The following TRIM24 variants were observed in gnomAD, a reference collection of about 807,000 sequenced individuals.
TRIM24 encodes the protein tripartite motif containing 24.
A neutral mutation model predicts 123.9 loss-of-function variants in TRIM24; 29 were observed. The ratio of observed to expected loss-of-function variants is 0.23; its 90% confidence interval spans 0.17 to 0.32. The LOEUF is 0.32. Among genes scored for constraint, TRIM24 ranks in the 10% least tolerant of loss-of-function variants. TRIM24 has a pLI of 1.00. For missense variants in TRIM24, 932 were observed against 1,295.3 expected (o/e 0.72, Z 4.31); for synonymous variants, 456 against 461.1 (o/e 0.99, Z 0.14).
intron 15 of TRIM24, 78 bp downstream of exon 15, chr7:138,579,610 A>G: frequency 7.8e-7 from 1 of 1,287,152 alleles, no homozygotes; most frequent in Non-Finnish European, 1.1e-6. Flanking sequence ...CTTTGAAAAA[A>G]CTTAAATGAA....
chr7:138,529,927 G>T (rs1796694251), intron 6 of TRIM24, among the ~76,000 whole-genome samples: 1 of 152,014 alleles, frequency 6.6e-6, no homozygotes, highest in African/African-American at 2.4e-5. Flanking sequence ...ATACAGTAAA[G>T]AAGCAAATGA....
intron 1 of TRIM24, among the ~76,000 whole-genome samples, chr7:138,477,112 G>T (rs1795421525): frequency 6.6e-6 from 1 of 152,066 alleles, no homozygotes; most frequent in African/African-American, 2.4e-5. Context: ...TAAAGCAACA[G>T]TATCTCCATG....
At chr7:138,517,198 G>T (rs1006944509) in intron 3 of TRIM24, among the ~76,000 whole-genome samples, 7 of 150,774 alleles carry the variant, frequency 4.6e-5, no homozygotes, top group Non-Finnish European at 4.4e-5. Flanking sequence ...TATATTGGCT[G>T]ATTTTTCTCT....
At chr7:138,536,444 C>T (rs1344477685) in intron 6 of TRIM24, among the ~76,000 whole-genome samples, 1 of 152,236 alleles carries the variant, frequency 6.6e-6, no homozygotes, top group Non-Finnish European at 1.5e-5. Flanking sequence ...AGTCAGGACC[C>T]TCAGCTGCAG....
chr7:138,514,256 G>A (rs1307341999), intron 2 of TRIM24: 1 of 152,220 alleles, frequency 6.6e-6, no homozygotes, highest in Non-Finnish European at 1.5e-5. Flanking sequence ...CAAAGCCACT[G>A]AAAAATCCTA....
intron 1 of TRIM24, among the ~76,000 whole-genome samples, chr7:138,501,899 C>A (rs373775549): frequency 0.013 from 1,968 of 149,830 alleles, 43 homozygotes; most frequent in African/African-American, 0.045. Context: ...AAAAAAAAAA[C>A]CAGTAGCAAC....
intron 11 of TRIM24, 84 bp from the exon 12 acceptor site, chr7:138,573,415 ATTATTAAG>A: frequency 1.8e-6 from 1 of 551,150 alleles, no homozygotes. Flanking sequence ...TTCGATAATA[ATTATTAAG>A]TTATTGAAGC....
At chr7:138,537,445 T>C (rs1160056677) in intron 6 of TRIM24, among the ~76,000 whole-genome samples, 6 of 139,248 alleles carry the variant, frequency 4.3e-5, no homozygotes, top group Non-Finnish European at 9.3e-5. Flanking sequence ...CCAGGCTGGT[T>C]GGAGTCCTTT....
In TRIM24 at chr7:138,587,737, G is replaced by A. The variant is rs985473914; in HGVS notation, c.*2786G>A. On this transcript the variant is annotated 3_prime_UTR_variant, in exon 19 of 19. Coordinates refer to ENST00000343526, the MANE Select transcript of TRIM24 (RefSeq NM_015905.3). ...GGATGAGCAGACCACGTAGGAGCTA[G>A]GATTTACTCAGTTCCACCTCACTGA... The A allele has an allele frequency of 3.3e-5, 5 of 152,204 alleles. No homozygotes were observed. The highest frequency in any genetic ancestry group is 6.5e-5 in the Admixed American group (1 of 15,280). The allele number at this position is 152,204 out of a possible 1,614,324, so 9.4% of individuals were successfully genotyped here.
intron 7 of TRIM24, 94 bp from the exon 8 acceptor site, chr7:138,550,969 A>G (rs1797198291): frequency 4.3e-6 from 4 of 936,328 alleles, no homozygotes; most frequent in Non-Finnish European, 5.1e-6. Flanking sequence ...TTTATTGTGT[A>G]TTGATGTACA....
chr7:138,474,181 A>G lies in TRIM24; in HGVS notation c.364+13269A>G, dbSNP rs186423572. On this transcript the variant is annotated intron_variant, in intron 1 of 18. Coordinates refer to ENST00000343526, the MANE Select transcript of TRIM24 (RefSeq NM_015905.3). Reference sequence around the variant, plus strand: ...TGCTGTATCACCCAGGCTGGAGTGCAGTGGCGCTATCTCAGCTCACTGCAA... The same window carrying G: ...TGCTGTATCACCCAGGCTGGAGTGCGGTGGCGCTATCTCAGCTCACTGCAA... Among the ~76,000 whole-genome samples, 975 of 145,648 alleles carry G rather than the reference A, an allele frequency of 6.7e-3. 8 individuals are homozygous for G. Among genetic ancestry groups the G allele is most frequent in the Non-Finnish European group, 0.011 (734 of 67,158 alleles).
intron 1 of TRIM24, among the ~76,000 whole-genome samples, chr7:138,485,911 C>T (rs184369945): frequency 3.9e-4 from 59 of 152,296 alleles, no homozygotes; most frequent in South Asian, 8.3e-4. Flanking sequence ...TGAGGAATCG[C>T]CACACTGTCT....
At chr7:138,579,053 T>A (rs899304956) in intron 14 of TRIM24, 151 bp from the exon 15 acceptor site, 5 of 578,074 alleles carry the variant, frequency 8.6e-6, no homozygotes, top group Non-Finnish European at 1.5e-5. Flanking sequence ...GTTCATGTCT[T>A]CTAAGCCAGT....
At chr7:138,538,840 T>C in intron 7 of TRIM24, 37 bp downstream of exon 7, 1 of 1,582,582 alleles carries the variant, frequency 6.3e-7, no homozygotes, top group Non-Finnish European at 8.6e-7. Flanking sequence ...ACTGTAAAAA[T>C]GCACAGTAAA....
At chr7:138,575,140 A>AAAG (rs1797729826) in intron 12 of TRIM24, among the ~76,000 whole-genome samples, 2 of 152,202 alleles carry the variant, frequency 1.3e-5, no homozygotes, top group Admixed American at 1.3e-4. Context: ...AAAAGATGTA[A>AAAG]AAGTATGTTT....
chr7:138,521,544 A>G (rs1324661324), intron 4 of TRIM24, among the ~76,000 whole-genome samples: 1 of 152,202 alleles, frequency 6.6e-6, no homozygotes, highest in African/African-American at 2.4e-5. Flanking sequence ...AATGAGAAAA[A>G]GAAATAAAGA....
At chr7:138,576,341 G>A (rs200625979) in intron 12 of TRIM24, 32 bp from the exon 13 acceptor site, 150 of 1,586,438 alleles carry the variant, frequency 9.5e-5, no homozygotes, top group African/African-American at 6.9e-4. Context: ...TTATTCATTC[G>A]TTTTATGAAT....
intron 9 of TRIM24, among the ~76,000 whole-genome samples, chr7:138,561,525 C>T (rs1028922958): frequency 6.6e-5 from 10 of 152,130 alleles, no homozygotes; most frequent in South Asian, 2.1e-4. Context: ...AAGTTATAAC[C>T]GAGTGCAGTA....
At chr7:138,579,582 ATTATT>A in intron 15 of TRIM24, 50 bp downstream of exon 15, 1 of 1,465,490 alleles carries the variant, frequency 6.8e-7, no homozygotes, top group Non-Finnish European at 9.2e-7. Flanking sequence ...ACTTTTGAAG[ATTATT>A]TTAACAGAAA....
Sources: allele counts gnomAD v4.1 joint callset (sites outside exome capture counted in the v4.1 genomes callset), GRCh38; gene constraint gnomAD v4.1.1; transcripts MANE v1.5; gene names NCBI Gene and HGNC (gene_info 2026-07-23, HGNC 2026-07-21).